The following PHAF1 variants were observed in gnomAD, a reference collection of about 807,000 sequenced individuals.
PHAF1 encodes the protein phagophore assembly factor 1.
Under a neutral mutation model 63.1 loss-of-function variants are expected in PHAF1, and 23 were observed. That is an observed-to-expected ratio of 0.36 (90% CI 0.26 to 0.52). The LOEUF is 0.52. PHAF1 is among the 20% of genes least tolerant of loss of function. The pLI is 0.93. For synonymous variants in PHAF1, 167 were observed against 185.0 expected (o/e 0.90, Z 0.79); for missense variants, 427 against 517.2 (o/e 0.83, Z 1.69).
At chr16:67,110,572 A>G (rs1212601052) in intron 1 of PHAF1, among the ~76,000 whole-genome samples, 4 of 152,148 alleles carry the variant, frequency 2.6e-5, no homozygotes, top group Non-Finnish European at 4.4e-5. Context: ...GCACCTGAGG[A>G]TAGGTACTGT....
chr16:67,143,121 A>G (rs999984140), intron 10 of PHAF1, among the ~76,000 whole-genome samples: 2 of 152,168 alleles, frequency 1.3e-5, no homozygotes, highest in Admixed American at 6.5e-5. Context: ...AGTCCTAGAG[A>G]GAGGTCAGGC....
At chr16:67,134,062 C>T (rs931065614) in intron 6 of PHAF1, 106 bp from the exon 7 acceptor site, 1 of 953,896 alleles carries the variant, frequency 1.0e-6, no homozygotes. Context: ...GTACTTTGAC[C>T]CTTTGACCTG....
At position 67,132,429 on chromosome 16, in the gene PHAF1, AT is replaced by A. The variant is rs1216718905; in HGVS notation, c.276-16del. ...ATCTTGTGAAGCCTAGTATTAAAAA[AT>A]ATTTTTGTTTTTCAGTGGCGTGCAT... On this transcript the variant is annotated splice_polypyrimidine_tract_variant and intron_variant, in intron 4 of 15. Coordinates refer to ENST00000219139, the MANE Select transcript of PHAF1 (RefSeq NM_025187.5). 1 of 1,583,864 alleles carries A rather than the reference AT, an allele frequency of 6.3e-7. No individual in the cohort carries two copies. Among genetic ancestry groups the A allele is most frequent in the African/African-American group, 1.4e-5 (1 of 73,998 alleles).
chr16:67,120,377 G>A (rs78593984), intron 2 of PHAF1, among the ~76,000 whole-genome samples, 183 bp downstream of exon 2: 7,377 of 152,104 alleles, frequency 0.048, 521 homozygotes, highest in African/African-American at 0.16. Context: ...TGATTATCTA[G>A]TACAGCTAGG....
intron 10 of PHAF1, among the ~76,000 whole-genome samples, chr16:67,143,325 T>A (rs1448164758): frequency 1.3e-5 from 2 of 151,832 alleles, no homozygotes; most frequent in African/African-American, 2.4e-5. Context: ...TCACCTGAGG[T>A]CAGGAGTTCG....
intron 14 of PHAF1, among the ~76,000 whole-genome samples, chr16:67,145,868 G>A (rs1201148879): frequency 6.6e-6 from 1 of 152,188 alleles, no homozygotes; most frequent in Non-Finnish European, 1.5e-5. Flanking sequence ...CTCTAGGTAT[G>A]GGGGCCTTCT....
intron 1 of PHAF1, among the ~76,000 whole-genome samples, chr16:67,113,415 C>T (rs1442099315): frequency 6.6e-6 from 1 of 151,664 alleles, no homozygotes; most frequent in Non-Finnish European, 1.5e-5. Context: ...AAAGGCAGTG[C>T]AGATTTGAAA....
intron 10 of PHAF1, among the ~76,000 whole-genome samples, chr16:67,142,581 C>T (rs953950821): frequency 1.3e-5 from 2 of 152,244 alleles, no homozygotes; most frequent in Admixed American, 1.3e-4. Context: ...GTCGTGACAG[C>T]GCCTGGGCTC....
chr16:67,126,317 A>G (rs948972833), intron 3 of PHAF1, among the ~76,000 whole-genome samples: 1 of 152,034 alleles, frequency 6.6e-6, no homozygotes, highest in Non-Finnish European at 1.5e-5. Flanking sequence ...TTTGGGAAAC[A>G]TGCTGTGGGG....
intron 3 of PHAF1, among the ~76,000 whole-genome samples, chr16:67,130,380 G>A (rs187256513): frequency 6.7e-4 from 84 of 125,718 alleles, no homozygotes; most frequent in Non-Finnish European, 1.1e-3. Flanking sequence ...ACGGAGTCTC[G>A]CTCTGTCACC....
In PHAF1 at chr16:67,120,122, G is replaced by C. The variant is rs188455461; in HGVS notation, c.75G>C (p.Leu25=). The C allele has an allele frequency of 6.2e-7, 1 of 1,613,832 alleles. No homozygotes were observed. Among genetic ancestry groups the C allele is most frequent in the East Asian group, 2.2e-5 (1 of 44,838 alleles). ...CTTGCTTTATTTCAGGAATGCCTCT[G>C]GCTCAGGCAGTAGCCATTCTTCAGA... is the stretch of plus-strand genomic sequence containing the variant. ...EQWEFTLGMP[L]AQAVAILQKH... is the part of the protein sequence containing the mutation. Residue 25 remains leucine (L), a synonymous_variant, in exon 2 of 16, where the codon CTG becomes CTC. Transcript: ENST00000219139.
chr16:67,139,909 G>A, intron 8 of PHAF1, 75 bp from the exon 9 acceptor site: 1 of 1,542,096 alleles, frequency 6.5e-7, no homozygotes, highest in Non-Finnish European at 8.9e-7. Context: ...GCAGCCAGTA[G>A]CTTCTCTGGG....
At chr16:67,113,748 C>A (rs567796666) in intron 1 of PHAF1, among the ~76,000 whole-genome samples, 1 of 135,364 alleles carries the variant, frequency 7.4e-6, no homozygotes, top group South Asian at 2.3e-4. Flanking sequence ...CGCACCCAGC[C>A]TCTTTTTTTT....
rs545067609 is a variant in PHAF1 at position 67,148,294 on chromosome 16, C to G, written c.*1163C>G. On this transcript the variant is annotated 3_prime_UTR_variant, in exon 16 of 16. Coordinates refer to ENST00000219139, the MANE Select transcript of PHAF1 (RefSeq NM_025187.5). ...ACCTGTCTCAGGCTCCTATATGGTTCCTGGGCCTTATAGCCAGGTTTGTGT... is the reference window on the plus strand; with the variant it reads ...ACCTGTCTCAGGCTCCTATATGGTTGCTGGGCCTTATAGCCAGGTTTGTGT... The G allele has an allele frequency of 1.3e-5, 2 of 152,704 alleles. No homozygotes were observed. Among genetic ancestry groups the G allele is most frequent in the South Asian group, 4.1e-4 (2 of 4,824 alleles). The allele number at this position is 152,704 out of a possible 1,614,324, so 9.5% of individuals were successfully genotyped here.
intron 10 of PHAF1, 147 bp from the exon 11 acceptor site, chr16:67,144,147 T>C: frequency 1.6e-6 from 1 of 629,972 alleles, no homozygotes; most frequent in Non-Finnish European, 2.9e-6. Context: ...GCCTGTCCCC[T>C]GGACTGTTGT....
intron 6 of PHAF1, 69 bp from the exon 7 acceptor site, chr16:67,134,099 A>C: frequency 7.6e-7 from 1 of 1,320,542 alleles, no homozygotes. Context: ...CATGAGTGAC[A>C]GGGAAGACCA....
intron 2 of PHAF1, among the ~76,000 whole-genome samples, chr16:67,123,753 C>T (rs1208667892): frequency 6.6e-6 from 1 of 152,122 alleles, no homozygotes; most frequent in Non-Finnish European, 1.5e-5. Flanking sequence ...TACTTTATTC[C>T]CTTCCTTACC....
At chr16:67,111,276 C>G (rs1962506424) in intron 1 of PHAF1, among the ~76,000 whole-genome samples, 1 of 152,198 alleles carries the variant, frequency 6.6e-6, no homozygotes, top group Non-Finnish European at 1.5e-5. Context: ...GCTGGCCCAG[C>G]CTTCTCCCTT....
At chr16:67,111,909 C>T (rs1173709211) in intron 1 of PHAF1, among the ~76,000 whole-genome samples, 5 of 152,196 alleles carry the variant, frequency 3.3e-5, no homozygotes, top group African/African-American at 1.2e-4. Context: ...TGTGAGCCAC[C>T]ATGCCCAACC....
Sources: gnomAD v4.1 joint callset for allele counts (sites outside exome capture counted in the v4.1 genomes callset) on GRCh38, gnomAD v4.1.1 for gene constraint, MANE v1.5 for transcripts, NCBI Gene and HGNC (gene_info 2026-07-23, HGNC 2026-07-21) for gene names.